Variants in KHDRBS2 observed in about 807,000 individuals in gnomAD.
KHDRBS2 encodes the protein KH RNA binding domain containing, signal transduction associated 2.
Under a neutral mutation model 44.3 loss-of-function variants are expected in KHDRBS2, and 26 were observed. The observed-to-expected ratio is 0.59, with a 90% CI of 0.43 to 0.81. The LOEUF (loss-of-function observed/expected upper bound fraction) is 0.81. Ranked by LOEUF, KHDRBS2 falls within the 40% of genes least tolerant of loss-of-function variation. The probability of loss-of-function intolerance (pLI) is 0.00; values close to 1 mark genes in which losing one functional copy is unlikely to be tolerated. For synonymous variants in KHDRBS2, 194 were observed against 151.1 expected, an observed-to-expected ratio of 1.28 and a Z score of -2.08; for missense variants, 476 against 433.1, an observed-to-expected ratio of 1.10 and a Z score of -0.88.
At position 61,813,333 on chromosome 6, in the gene KHDRBS2, A is replaced by T. The variant is rs528447506; in HGVS notation, c.811-80569T>A. 2.0e-3 allele frequency among the ~76,000 whole-genome samples: 298 copies of T among 152,256 alleles called. 1 individual carries two copies. Among genetic ancestry groups the T allele is most frequent in the Non-Finnish European group, 3.2e-3 (220 of 67,998 alleles). ...TGTGTTCAGAATTATTCTTGATATT[A>T]TACTACTAAAGGCCATTGGAACCCA... On this transcript the variant is annotated intron_variant, in intron 6 of 8. Coordinates refer to ENST00000281156, the MANE Select transcript of KHDRBS2 (RefSeq NM_152688.4).
chr6:61,827,868 C>T lies in KHDRBS2; in HGVS notation c.810+66767G>A, dbSNP rs1791150767. 3.3e-5 allele frequency among the ~76,000 whole-genome samples: 5 copies of T among 152,116 alleles called. No homozygotes were observed. The South Asian group carries it at 1.0e-3, about 32-fold the overall frequency. The stretch of plus-strand genomic sequence containing the variant: ...AACCTCATTTAAACCCAGTTATCTT[C>T]CAAAGGCCTTATTCTCAAATACCAT... On this transcript the variant is annotated intron_variant, in intron 6 of 8. Coordinates refer to ENST00000281156, the MANE Select transcript of KHDRBS2 (RefSeq NM_152688.4).
chr6:62,252,290 T>C lies in KHDRBS2; in HGVS notation c.91+33568A>G, dbSNP rs761692173. 7.1e-4 allele frequency among the ~76,000 whole-genome samples: 108 copies of C among 151,930 alleles called. 1 individual carries two copies. Among genetic ancestry groups the C allele is most frequent in the Non-Finnish European group, 6.3e-4 (43 of 67,888 alleles). On this transcript the variant is annotated intron_variant, in intron 1 of 8. Coordinates refer to ENST00000281156, the MANE Select transcript of KHDRBS2 (RefSeq NM_152688.4). Reference sequence around the variant, plus strand: ...CTTTATGCTTTCATTCTTATCAACATGCCAGCCAGCATCATATCACTGCTG... The same window carrying C: ...CTTTATGCTTTCATTCTTATCAACACGCCAGCCAGCATCATATCACTGCTG...
chr6:61,991,944 A>G (rs1446459297), intron 3 of KHDRBS2, among the ~76,000 whole-genome samples: 1 of 152,178 alleles, frequency 6.6e-6, no homozygotes, highest in African/African-American at 2.4e-5. Flanking sequence ...TGTCATATGG[A>G]ATGTTTTACT....
chr6:61,906,543 C>A (rs962032755), intron 4 of KHDRBS2, among the ~76,000 whole-genome samples: 3 of 151,992 alleles, frequency 2.0e-5, no homozygotes, highest in East Asian at 3.9e-4. Context: ...AACTTCCCCC[C>A]CTCCTTCCCA....
chr6:62,054,971 T>A (rs146849689), intron 2 of KHDRBS2, among the ~76,000 whole-genome samples: 93 of 152,148 alleles, frequency 6.1e-4, no homozygotes, highest in African/African-American at 2.2e-3. Context: ...ATAAAATTAA[T>A]TCCTACATCA....
At chr6:62,088,652 G>T (rs1798883703) in intron 2 of KHDRBS2, among the ~76,000 whole-genome samples, 1 of 152,178 alleles carries the variant, frequency 6.6e-6, no homozygotes, top group East Asian at 1.9e-4. Flanking sequence ...CTGCTGGGAA[G>T]TGTCTTCCAG....
intron 1 of KHDRBS2, among the ~76,000 whole-genome samples, chr6:62,196,441 AT>A (rs1010123317): frequency 5.3e-5 from 8 of 152,114 alleles, no homozygotes; most frequent in African/African-American, 1.9e-4. Flanking sequence ...ACCTAGACTC[AT>A]TCTCAGTTCT....
chr6:61,894,114 A>T (rs1422652102), intron 6 of KHDRBS2, among the ~76,000 whole-genome samples: 1 of 152,126 alleles, frequency 6.6e-6, no homozygotes, highest in African/African-American at 2.4e-5. Flanking sequence ...GATGCTTGGA[A>T]ACACTGCATT....
chr6:62,095,714 T>A (rs1800445061), intron 2 of KHDRBS2, among the ~76,000 whole-genome samples: 1 of 151,898 alleles, frequency 6.6e-6, no homozygotes, highest in South Asian at 2.1e-4. Flanking sequence ...TTTATTTCTT[T>A]TTCTTGCCTG....
intron 3 of KHDRBS2, among the ~76,000 whole-genome samples, chr6:62,037,262 T>C (rs1171556127): frequency 6.6e-6 from 1 of 151,976 alleles, no homozygotes; most frequent in East Asian, 1.9e-4. Flanking sequence ...TGGCTTGCCA[T>C]CTTATACTGC....
chr6:61,646,111 A>G, the KHDRBS2 span, among the ~76,000 whole-genome samples: 2 of 152,204 alleles, frequency 1.3e-5, no homozygotes, highest in Non-Finnish European at 2.9e-5. Flanking sequence ...GAGTCAGTCC[A>G]TATAAAGTAC....
intron 4 of KHDRBS2, among the ~76,000 whole-genome samples, chr6:61,926,079 T>C (rs1296646739): frequency 6.6e-6 from 1 of 152,168 alleles, no homozygotes; most frequent in East Asian, 1.9e-4. Flanking sequence ...TTATAGTGTT[T>C]TAATGTTATA....
chr6:61,829,324 G>A (rs1185360455), intron 6 of KHDRBS2, among the ~76,000 whole-genome samples: 2 of 152,106 alleles, frequency 1.3e-5, no homozygotes, highest in Admixed American at 6.6e-5. Flanking sequence ...GCCACGCTCA[G>A]CTAAATTTTT....
At chr6:62,224,689 T>C (rs1489285770) in intron 1 of KHDRBS2, among the ~76,000 whole-genome samples, 2 of 152,198 alleles carry the variant, frequency 1.3e-5, no homozygotes, top group Non-Finnish European at 2.9e-5. Flanking sequence ...CTGAGAAATT[T>C]TGTATGAAGT....
intron 4 of KHDRBS2, among the ~76,000 whole-genome samples, chr6:61,945,673 T>C (rs547022273): frequency 1.5e-3 from 221 of 152,118 alleles, no homozygotes; most frequent in African/African-American, 5.0e-3. Context: ...TTTTCTACTA[T>C]TTTTATATAA....
intron 6 of KHDRBS2, among the ~76,000 whole-genome samples, chr6:61,808,674 A>T (rs1480861637): frequency 6.6e-6 from 1 of 152,138 alleles, no homozygotes; most frequent in East Asian, 1.9e-4. Context: ...GATTTGGATT[A>T]CAGTCTTCAT....
chr6:62,016,678 G>C (rs1276349916), intron 3 of KHDRBS2, among the ~76,000 whole-genome samples: 1 of 150,896 alleles, frequency 6.6e-6, no homozygotes, highest in Admixed American at 6.6e-5. Context: ...CTGATCGAGA[G>C]TGACATTTAA....
intron 1 of KHDRBS2, among the ~76,000 whole-genome samples, chr6:62,271,127 A>G (rs1370680141): frequency 6.6e-6 from 1 of 152,164 alleles, no homozygotes; most frequent in Non-Finnish European, 1.5e-5. Flanking sequence ...TATATAGTAT[A>G]CATACATATA....
chr6:62,261,462 C>T (rs1308790156), intron 1 of KHDRBS2, among the ~76,000 whole-genome samples: 1 of 151,750 alleles, frequency 6.6e-6, no homozygotes, highest in African/African-American at 2.4e-5. Context: ...TAAAATAATA[C>T]CAAAAAGCAT....
Sources: allele counts gnomAD v4.1 joint callset (sites outside exome capture counted in the v4.1 genomes callset), GRCh38; gene constraint gnomAD v4.1.1; transcripts MANE v1.5; gene names NCBI Gene and HGNC (gene_info 2026-07-23, HGNC 2026-07-21).